The following MYLK3 variants were observed in gnomAD, a reference collection of about 807,000 sequenced individuals.
MYLK3 encodes MLC kinase.
Under a neutral mutation model 76.3 loss-of-function variants are expected in MYLK3, and 55 were observed. The observed-to-expected ratio is 0.72, with a 90% CI of 0.58 to 0.90. The LOEUF (loss-of-function observed/expected upper bound fraction) is 0.90. Ranked by LOEUF, MYLK3 falls within the 40% of genes least tolerant of loss-of-function variation. The probability of loss-of-function intolerance (pLI) is 0.00; values close to 1 mark genes in which losing one functional copy is unlikely to be tolerated. For synonymous variants in MYLK3, 416 were observed against 425.4 expected (o/e 0.98, Z 0.27); for missense variants, 973 against 1,053.6 (o/e 0.92, Z 1.06).
chr16:46,750,931 T>A (rs985410188), upstream of MYLK3, among the ~76,000 whole-genome samples: 4 of 152,076 alleles, frequency 2.6e-5, no homozygotes, highest in Non-Finnish European at 2.9e-5. Context: ...AGACGGAGAT[T>A]GCAGTGAGCT....
At chr16:46,708,239 G>A (rs1289616141) in intron 12 of MYLK3, among the ~76,000 whole-genome samples, 1 of 152,054 alleles carries the variant, frequency 6.6e-6, no homozygotes, top group Non-Finnish European at 1.5e-5. Context: ...CTTTTCACAT[G>A]AAAAATGGAG....
chr16:46,709,880 C>T (rs1966665533), intron 11 of MYLK3, among the ~76,000 whole-genome samples: 1 of 152,102 alleles, frequency 6.6e-6, no homozygotes, highest in Non-Finnish European at 1.5e-5. Flanking sequence ...TCTCTGACCT[C>T]TATAGGGGGA....
exon 1 of MYLK3, chr16:46,763,238 C>T (rs1451944171): frequency 3.1e-5 from 31 of 985,396 alleles, no homozygotes; most frequent in East Asian, 1.1e-4. Flanking sequence ...CTCTGCTGGT[C>T]GGCCCTCTGA....
intron 4 of MYLK3, among the ~76,000 whole-genome samples, chr16:46,731,586 C>CAGACCAAGG (rs539724658): frequency 1.1e-4 from 16 of 152,088 alleles, no homozygotes; most frequent in Non-Finnish European, 2.2e-4. Context: ...GGACAATTCT[C>CAGACCAAGG]AGACCAAGGA....
intron 1 of MYLK3, among the ~76,000 whole-genome samples, chr16:46,758,179 C>T (rs1967224651): frequency 6.6e-6 from 1 of 151,684 alleles, no homozygotes; most frequent in African/African-American, 2.4e-5. Context: ...AGGGAGGGCT[C>T]CCTGGCCAGA....
At position 46,710,762 on chromosome 16, in the gene MYLK3, C is replaced by T. The variant is rs753756395; in HGVS notation, c.2142G>A (p.Gly714=). Residue 714 remains glycine, a synonymous_variant, in exon 11 of 13, where the codon GGG becomes GGA. Transcript: ENST00000394809. ...AATTCATGGTCTCTGCATCTGTTTC[C>T]CCTAGAAATGGGGACAAGCCACTGA... ...MLLSGLSPFL[G]ETDAETMNFI... 6.2e-7 allele frequency: 1 copy of T among 1,614,034 alleles called. No homozygotes were observed.
chr16:46,730,743 C>T (rs1966851027), intron 4 of MYLK3, 45 bp from the exon 5 acceptor site: 5 of 1,561,918 alleles, frequency 3.2e-6, no homozygotes, highest in Non-Finnish European at 4.4e-6. Flanking sequence ...TCTGTGCAGC[C>T]CACACCTCTC....
At chr16:46,752,144 G>A (rs142048866), upstream of MYLK3, among the ~76,000 whole-genome samples, 156 of 152,162 alleles carry the variant, frequency 1.0e-3, 1 homozygote, top group African/African-American at 3.6e-3. Context: ...GGGCCAGCAC[G>A]CACCAGGCCC....
At position 46,732,580 on chromosome 16, in the gene MYLK3, C is replaced by T; in HGVS notation, c.1090G>A (p.Ala364Thr). 1.3e-6 allele frequency: 2 copies of T among 1,598,718 alleles called. No homozygotes were observed. The highest frequency in any genetic ancestry group is 2.2e-5 in the South Asian group (2 of 90,896). The change falls in exon 4 of 13, where the codon GCT becomes ACT. Residue 364 changes from alanine (A) to threonine (T), a missense_variant. By Grantham distance (58) the Ala-to-Thr change is moderately conservative. Transcript: ENST00000394809. ...GSLGPTLTTE[A>T]PAAAQPGKQG... The stretch of plus-strand genomic sequence containing the variant: ...TTGCCTGGCTGGGCAGCTGCTGGAG[C>T]CTCTGTGGTGAGGGTGGGTCCAAGG...
In MYLK3 at chr16:46,721,143, A is replaced by C; in HGVS notation, c.1965T>G (p.Ile655Met). 1 of 1,614,204 alleles carries C rather than the reference A, an allele frequency of 6.2e-7. No individual in the cohort carries two copies. The highest frequency in any genetic ancestry group is 8.5e-7 in the Non-Finnish European group (1 of 1,180,032). Residue 655 changes from isoleucine to methionine, a missense_variant, in exon 9 of 13, where the codon ATT becomes ATG. By Grantham distance (10) the Ile-to-Met change is conservative. Transcript: ENST00000394809. ...CTTACCTTCTGGCCAGCCCAAAGTC[A>C]ATGATCTTAATTTGATGTCCTGTCT... Reference protein sequence around the residue: ...VNQTGHQIKIIDFGLARRYKP... With the variant: ...VNQTGHQIKIMDFGLARRYKP...
chr16:46,737,342 C>T (rs1966873228), intron 3 of MYLK3, among the ~76,000 whole-genome samples: 1 of 152,134 alleles, frequency 6.6e-6, no homozygotes, highest in Non-Finnish European at 1.5e-5. Context: ...GCAGGTGCTC[C>T]GTGAGCCCCA....
At chr16:46,734,382 G>A (rs1337721719) in intron 3 of MYLK3, among the ~76,000 whole-genome samples, 2 of 152,130 alleles carry the variant, frequency 1.3e-5, no homozygotes, top group African/African-American at 2.4e-5. Context: ...GGGAGGCCAA[G>A]GAGAATGGAT....
At chr16:46,735,283 G>A (rs976774713) in intron 3 of MYLK3, among the ~76,000 whole-genome samples, 3 of 152,082 alleles carry the variant, frequency 2.0e-5, no homozygotes, top group African/African-American at 7.2e-5. Context: ...TTGGCTCACC[G>A]CAACCTCCGC....
rs758910508 is a variant in MYLK3, at chr16:46,737,773, T to G, written c.939A>C (p.Pro313=). 7 of 1,611,778 alleles carry G rather than the reference T, an allele frequency of 4.3e-6. No individual in the cohort carries two copies. Among genetic ancestry groups the G allele is most frequent in the Non-Finnish European group, 8.5e-7 (1 of 1,179,846 alleles). ...CCTGGGCTGGCAGCCCTGGAGGCCCTGGGCACTGAGGGCCAGGCCCTGGAG... is the reference window on the plus strand; with the variant it reads ...CCTGGGCTGGCAGCCCTGGAGGCCCGGGGCACTGAGGGCCAGGCCCTGGAG... ...RLTPGPGPQC[P]GPPGLPAQAR... The change falls in exon 3 of 13, where the codon CCA becomes CCC. Residue 313 remains proline, a synonymous_variant. Coordinates refer to ENST00000394809, the MANE Select transcript of MYLK3 (RefSeq NM_182493.3).
intron 2 of MYLK3, among the ~76,000 whole-genome samples, chr16:46,738,447 C>T (rs949627715): frequency 2.6e-5 from 4 of 152,094 alleles, no homozygotes; most frequent in Admixed American, 2.0e-4. Context: ...GCCTGCAATC[C>T]CAGCTACTTG....
At chr16:46,716,692 T>G (rs750524197) in intron 9 of MYLK3, among the ~76,000 whole-genome samples, 6 of 152,186 alleles carry the variant, frequency 3.9e-5, no homozygotes, top group Non-Finnish European at 7.3e-5. Flanking sequence ...ACTCTCATTC[T>G]AGAGAGGGTC....
chr16:46,749,282 G>C (rs1468272471), upstream of MYLK3, among the ~76,000 whole-genome samples: 1 of 152,232 alleles, frequency 6.6e-6, no homozygotes, highest in East Asian at 1.9e-4. Context: ...CCAGCTCCCC[G>C]TGGGCAGAGG....
chr16:46,712,427 C>T (rs1966693746), intron 10 of MYLK3, among the ~76,000 whole-genome samples: 2 of 151,878 alleles, frequency 1.3e-5, no homozygotes, highest in Admixed American at 1.3e-4. Flanking sequence ...AAAATTATAA[C>T]TTGGAAATAC....
At chr16:46,730,937 G>A (rs951898184) in intron 4 of MYLK3, among the ~76,000 whole-genome samples, 1 of 152,258 alleles carries the variant, frequency 6.6e-6, no homozygotes, top group Non-Finnish European at 1.5e-5. Flanking sequence ...CCTTGGCAAG[G>A]CCGAGAAGTT....
Sources: allele counts gnomAD v4.1 joint callset (sites outside exome capture counted in the v4.1 genomes callset), GRCh38; gene constraint gnomAD v4.1.1; transcripts MANE v1.5; gene names NCBI Gene and HGNC (gene_info 2026-07-23, HGNC 2026-07-21).